Variants in TNR observed in about 807,000 individuals in gnomAD.
TNR encodes tenascin R, also known as tenascin-R.
In TNR, 45 loss-of-function variants were observed where a neutral mutation model predicts 150.4. That is an observed-to-expected ratio of 0.30 (90% CI 0.24 to 0.38). The LOEUF (loss-of-function observed/expected upper bound fraction) is 0.38. TNR is among the 10% of genes least tolerant of loss of function. The pLI is 1.00. For synonymous variants in TNR, 687 were observed against 678.4 expected (o/e 1.01, Z -0.20); for missense variants, 1,544 against 1,759.1 (o/e 0.88, Z 2.19).
chr1:175,370,283 G>A (rs568519894), intron 9 of TNR, among the ~76,000 whole-genome samples: 3 of 148,092 alleles, frequency 2.0e-5, no homozygotes, highest in African/African-American at 7.5e-5. Flanking sequence ...GATCTTAGCG[G>A]TAGTAGCTAG....
intron 2 of TNR, among the ~76,000 whole-genome samples, chr1:175,503,816 G>C (rs1256073990): frequency 6.6e-6 from 1 of 152,222 alleles, no homozygotes; most frequent in Non-Finnish European, 1.5e-5. Context: ...AGAGGAAGAT[G>C]GGGGAGGCAG....
chr1:175,593,213 A>G (rs929892256), intron 1 of TNR, among the ~76,000 whole-genome samples: 3 of 151,962 alleles, frequency 2.0e-5, no homozygotes, highest in African/African-American at 7.3e-5. Context: ...ATCTACTTTT[A>G]CTTAGTCTGT....
At chr1:175,515,540 A>G (rs928060732) in intron 2 of TNR, among the ~76,000 whole-genome samples, 4 of 152,232 alleles carry the variant, frequency 2.6e-5, no homozygotes, top group Non-Finnish European at 5.9e-5. Flanking sequence ...AAGAGCATAG[A>G]ACATTCTGGA....
intron 2 of TNR, among the ~76,000 whole-genome samples, chr1:175,420,821 A>G (rs190687157): frequency 6.6e-6 from 1 of 152,198 alleles, no homozygotes; most frequent in African/African-American, 2.4e-5. Flanking sequence ...CTCTGAGGGT[A>G]ATGTATGCTA....
At chr1:175,690,548 A>T (rs1358710185) in intron 1 of TNR, among the ~76,000 whole-genome samples, 2 of 152,250 alleles carry the variant, frequency 1.3e-5, no homozygotes, top group Non-Finnish European at 2.9e-5. Flanking sequence ...GTTTGAGGAC[A>T]GGAGGGAAGA....
chr1:175,359,927 C>G (rs553920203), intron 14 of TNR, among the ~76,000 whole-genome samples, 196 bp from the exon 15 acceptor site: 1 of 152,312 alleles, frequency 6.6e-6, no homozygotes, highest in African/African-American at 2.4e-5. Flanking sequence ...TCCCTTCTCT[C>G]AAGTATCCAG....
At chr1:175,560,020 T>C (rs1432139502) in intron 1 of TNR, among the ~76,000 whole-genome samples, 2 of 152,212 alleles carry the variant, frequency 1.3e-5, no homozygotes, top group African/African-American at 4.8e-5. Context: ...TGGTCTGAGA[T>C]TGCAGAAAAT....
In TNR at chr1:175,337,509, G is replaced by A. The variant is rs767781712; in HGVS notation, c.3534+19C>T. ...CACTGAGGACGCTTCTGTGCAAGGA[G>A]AGCACAGATTGTACTTACAATCCAG... is the stretch of plus-strand genomic sequence containing the variant. On this transcript the variant is annotated intron_variant, in intron 19 of 22. Coordinates refer to ENST00000367674, the MANE Select transcript of TNR (RefSeq NM_003285.3). 1 of 1,612,254 alleles carries A rather than the reference G, an allele frequency of 6.2e-7. No individual in the cohort carries two copies. Among genetic ancestry groups the A allele is most frequent in the South Asian group, 1.1e-5 (1 of 90,992 alleles).
intron 1 of TNR, among the ~76,000 whole-genome samples, chr1:175,688,738 G>A (rs1666271237): frequency 6.6e-6 from 1 of 152,120 alleles, no homozygotes; most frequent in Non-Finnish European, 1.5e-5. Flanking sequence ...TCAGAGTGCA[G>A]TGAGGACTAG....
Position 175,677,801 on chromosome 1 carries a change from C to A in TNR, c.-165+65425G>T, listed in dbSNP as rs528317837. 5.9e-5 allele frequency among the ~76,000 whole-genome samples: 9 copies of A among 152,158 alleles called. No homozygotes were observed. The East Asian group carries it at 1.7e-3, about 29-fold the overall frequency. Reference sequence around the variant, plus strand: ...ACTGGGAATTAAAAATCTCTGCACACCTCGCTGGATTCTAAATAATAGACA... The same window carrying A: ...ACTGGGAATTAAAAATCTCTGCACAACTCGCTGGATTCTAAATAATAGACA... On this transcript the variant is annotated intron_variant, in intron 1 of 22. Coordinates refer to ENST00000367674, the MANE Select transcript of TNR (RefSeq NM_003285.3).
chr1:175,446,874 C>T (rs1163110762), intron 2 of TNR, among the ~76,000 whole-genome samples: 1 of 151,976 alleles, frequency 6.6e-6, no homozygotes, highest in Non-Finnish European at 1.5e-5. Flanking sequence ...TGTGTCTGTA[C>T]ATGTGTATGC....
chr1:175,691,611 A>T (rs936010246), intron 1 of TNR, among the ~76,000 whole-genome samples: 2 of 152,084 alleles, frequency 1.3e-5, no homozygotes, highest in African/African-American at 4.8e-5. Context: ...GTACTGACTG[A>T]GTTCTCGGTA....
intron 2 of TNR, among the ~76,000 whole-genome samples, chr1:175,449,545 A>G (rs1294090736): frequency 6.6e-6 from 1 of 152,214 alleles, no homozygotes; most frequent in Non-Finnish European, 1.5e-5. Context: ...CAGTTGCTAA[A>G]TGAATAGTCC....
intron 1 of TNR, among the ~76,000 whole-genome samples, chr1:175,542,214 A>G (rs1378484062): frequency 6.6e-6 from 1 of 152,212 alleles, no homozygotes; most frequent in Non-Finnish European, 1.5e-5. Flanking sequence ...ACCCGAATGC[A>G]GGCCCTCCCT....
At chr1:175,621,780 A>T (rs536822858) in intron 1 of TNR, among the ~76,000 whole-genome samples, 1 of 152,298 alleles carries the variant, frequency 6.6e-6, no homozygotes, top group African/African-American at 2.4e-5. Flanking sequence ...GCACTTAGAA[A>T]CTATCAACAT....
At chr1:175,389,854 CA>C in intron 7 of TNR, among the ~76,000 whole-genome samples, 1 of 152,292 alleles carries the variant, frequency 6.6e-6, no homozygotes, top group African/African-American at 2.4e-5. Context: ...GGGATTCCTA[CA>C]GAGCACTGTA....
intron 1 of TNR, among the ~76,000 whole-genome samples, chr1:175,573,235 T>C (rs1661958767): frequency 6.6e-6 from 1 of 152,096 alleles, no homozygotes; most frequent in African/African-American, 2.4e-5. Context: ...AGAAATAAAT[T>C]TATGTCACCT....
At chr1:175,613,857 C>A (rs1490230826) in intron 1 of TNR, among the ~76,000 whole-genome samples, 1 of 152,138 alleles carries the variant, frequency 6.6e-6, no homozygotes, top group African/African-American at 2.4e-5. Context: ...GCCGTCTGTG[C>A]TCAAGGAGTG....
rs866105380 is a variant in TNR, at chr1:175,377,502, T to C, written c.1963+2050A>G. The stretch of plus-strand genomic sequence containing the variant: ...TTGGATTTAGCTTAATTTTTGTGAC[T>C]GTTTCTAGCTCTCTGCGAGGCCCTA... On this transcript the variant is annotated intron_variant, in intron 9 of 22. Transcript: ENST00000367674. Among the ~76,000 whole-genome samples, 14 of 149,800 alleles carry C rather than the reference T, an allele frequency of 9.3e-5. No individual in the cohort carries two copies. In the Middle Eastern group the frequency reaches 0.01, roughly 109 times the overall value.
Sources: gnomAD v4.1 joint callset for allele counts (sites outside exome capture counted in the v4.1 genomes callset) on GRCh38, gnomAD v4.1.1 for gene constraint, MANE v1.5 for transcripts, NCBI Gene and HGNC (gene_info 2026-07-23, HGNC 2026-07-21) for gene names.